The following ACLY variants were observed in gnomAD, a reference collection of about 807,000 sequenced individuals.
ACLY encodes ATP-citrate synthase.
In ACLY, 41 loss-of-function variants were observed where a neutral mutation model predicts 133.0. That is an observed-to-expected ratio of 0.31 (90% CI 0.24 to 0.40). ACLY has a LOEUF of 0.40. Ranked by LOEUF, ACLY falls within the 10% of genes least tolerant of loss-of-function variation. The pLI is 1.00. For synonymous variants in ACLY, 495 were observed against 549.3 expected, an observed-to-expected ratio of 0.90 and a Z score of 1.38; for missense variants, 1,046 against 1,453.8, an observed-to-expected ratio of 0.72 and a Z score of 4.56.
chr17:41,883,070 C>T (rs2048961867), intron 20 of ACLY, 52 bp downstream of exon 20: 1 of 1,454,074 alleles, frequency 6.9e-7, no homozygotes, highest in South Asian at 1.2e-5. Context: ...CCTCAAATGC[C>T]CCCTCTTGCA....
At position 41,869,142 on chromosome 17, in the gene ACLY, A is replaced by AG. The variant is rs1258285452; in HGVS notation, c.3052-18_3052-17insC. 1 of 1,588,492 alleles carries AG rather than the reference A, an allele frequency of 6.3e-7. No homozygotes were observed. The highest frequency in any genetic ancestry group is 8.6e-7 in the Non-Finnish European group (1 of 1,161,566). On this transcript the variant is annotated splice_polypyrimidine_tract_variant and intron_variant, in intron 26 of 28. Coordinates refer to ENST00000352035, the MANE Select transcript of ACLY (RefSeq NM_001096.3). Reference sequence around the variant, plus strand: ...ATTTGGCTTCTGGGAAGGCAAAAAAATTCAAAGCATTTATCATTATTTCTC... The same window carrying AG: ...ATTTGGCTTCTGGGAAGGCAAAAAAAGTTCAAAGCATTTATCATTATTTCTC...
At chr17:41,871,563 C>G (rs2048598623) in intron 25 of ACLY, 126 bp downstream of exon 25, 3 of 1,133,498 alleles carry the variant, frequency 2.6e-6, no homozygotes, top group Non-Finnish European at 3.8e-6. Context: ...CCATGTTGGT[C>G]AGGCTGGTCT....
At chr17:41,870,299 G>A (rs782385716) in intron 25 of ACLY, 1 of 152,268 alleles carries the variant, frequency 6.6e-6, no homozygotes, top group African/African-American at 2.4e-5. Context: ...AGGAGCTGGG[G>A]CTGGCTGAGC....
At chr17:41,890,898 C>G (rs1194566668) in intron 16 of ACLY, among the ~76,000 whole-genome samples, 1 of 146,792 alleles carries the variant, frequency 6.8e-6, no homozygotes. Flanking sequence ...CCCAGCTACT[C>G]AGAAGGCTGA....
chr17:41,915,469 G>GC (rs2050026322), intron 1 of ACLY, among the ~76,000 whole-genome samples: 1 of 152,136 alleles, frequency 6.6e-6, no homozygotes, highest in South Asian at 2.1e-4. Context: ...GCTACATTGC[G>GC]CCCCCTCCCA....
chr17:41,875,277 G>A (rs1443394294), intron 22 of ACLY, among the ~76,000 whole-genome samples: 14 of 151,682 alleles, frequency 9.2e-5, no homozygotes, highest in African/African-American at 2.7e-4. Context: ...TTGAATCTGG[G>A]AGGAGGAGGT....
upstream of ACLY, among the ~76,000 whole-genome samples, chr17:41,922,370 CA>C (rs1164362085): frequency 5.1e-3 from 157 of 30,940 alleles, no homozygotes; most frequent in South Asian, 0.017. Flanking sequence ...CAGAGCGAGA[CA>C]AAAAAAAAAA....
intron 1 of ACLY, among the ~76,000 whole-genome samples, chr17:41,926,877 C>CT (rs1218138191): frequency 6.7e-6 from 1 of 149,830 alleles, no homozygotes; most frequent in Non-Finnish European, 1.5e-5. Flanking sequence ...GGTTTTTGGT[C>CT]TTTTTTTTGA....
chr17:41,896,517 G>T, intron 14 of ACLY, 103 bp downstream of exon 14: 1 of 1,080,842 alleles, frequency 9.3e-7, no homozygotes. Flanking sequence ...TAGACCAGAC[G>T]ACACTGCAAC....
chr17:41,903,617 G>A (rs7218879), intron 10 of ACLY, among the ~76,000 whole-genome samples: 1 of 151,758 alleles, frequency 6.6e-6, no homozygotes, highest in African/African-American at 2.4e-5. Flanking sequence ...TTAGCCGGGT[G>A]TGGTGGCGGG....
exon 1 of ACLY, chr17:41,930,538 G>C: frequency 3.6e-6 from 2 of 557,192 alleles, no homozygotes; most frequent in Non-Finnish European, 6.5e-6. Context: ...CCAGTGCGCG[G>C]CAGAACTGGC....
chr17:41,867,776 T>C lies in ACLY; in HGVS notation c.*34A>G. ...CTTTTTCTTGGGGGAAGAGATCTTGTCTTCAGTTTACTGCAGTAGGGTTCC... is the reference window on the plus strand; with the variant it reads ...CTTTTTCTTGGGGGAAGAGATCTTGCCTTCAGTTTACTGCAGTAGGGTTCC... On this transcript the variant is annotated 3_prime_UTR_variant, in exon 29 of 29. Transcript: ENST00000352035. 6.5e-7 allele frequency: 1 copy of C among 1,539,250 alleles called. No individual in the cohort carries two copies. Among genetic ancestry groups the C allele is most frequent in the Non-Finnish European group, 8.9e-7 (1 of 1,122,588 alleles).
At chr17:41,917,246 A>G (rs1397333928) in intron 1 of ACLY, among the ~76,000 whole-genome samples, 1 of 151,798 alleles carries the variant, frequency 6.6e-6, no homozygotes, top group Admixed American at 6.6e-5. Context: ...CTGCCTCCCC[A>G]GTAGCTGAAT....
intron 16 of ACLY, among the ~76,000 whole-genome samples, chr17:41,889,326 C>T (rs2144293022): frequency 6.6e-6 from 1 of 151,518 alleles, no homozygotes; most frequent in East Asian, 1.9e-4. Flanking sequence ...CAAGACCAGC[C>T]TGATCAAAAA....
At chr17:41,911,042 C>G (rs1018942279) in intron 3 of ACLY, among the ~76,000 whole-genome samples, 1 of 152,138 alleles carries the variant, frequency 6.6e-6, no homozygotes, top group Non-Finnish European at 1.5e-5. Context: ...CAGCATCCCT[C>G]CCTCCAATCC....
intron 14 of ACLY, among the ~76,000 whole-genome samples, chr17:41,894,146 G>C (rs2049294221): frequency 6.6e-6 from 1 of 150,924 alleles, no homozygotes; most frequent in African/African-American, 2.4e-5. Flanking sequence ...GAACCCGGGA[G>C]GCAGAGGTTG....
intron 20 of ACLY, among the ~76,000 whole-genome samples, chr17:41,880,627 G>A (rs1394954462): frequency 1.3e-5 from 2 of 152,186 alleles, no homozygotes; most frequent in Non-Finnish European, 2.9e-5. Flanking sequence ...CACTTTGAGA[G>A]GCCGAGATGG....
At chr17:41,921,975 C>T (rs1183206590), upstream of ACLY, among the ~76,000 whole-genome samples, 1 of 152,182 alleles carries the variant, frequency 6.6e-6, no homozygotes, top group Non-Finnish European at 1.5e-5. Flanking sequence ...GCAGGCAGAT[C>T]ACTTGAGGCC....
At chr17:41,874,336 T>A (rs1206313502) in intron 22 of ACLY, among the ~76,000 whole-genome samples, 2 of 151,632 alleles carry the variant, frequency 1.3e-5, no homozygotes, top group African/African-American at 4.8e-5. Context: ...GGTGAGACCA[T>A]AGCTCACTTC....
Sources: allele counts gnomAD v4.1 joint callset (sites outside exome capture counted in the v4.1 genomes callset), GRCh38; gene constraint gnomAD v4.1.1; transcripts MANE v1.5; gene names NCBI Gene and HGNC (gene_info 2026-07-23, HGNC 2026-07-21).